PCDHGB4: variants seen among roughly 807,000 people sequenced by gnomAD.
The protein encoded by PCDHGB4 is protocadherin gamma-B4.
In PCDHGB4, 38 loss-of-function variants were observed where a neutral mutation model predicts 60.5. That is an observed-to-expected ratio of 0.63 (90% CI 0.48 to 0.82). The LOEUF (loss-of-function observed/expected upper bound fraction) is 0.82. PCDHGB4 is among the 40% of genes least tolerant of loss of function. PCDHGB4 has a pLI of 0.00. For missense variants in PCDHGB4, 1,109 were observed against 1,209.6 expected, an observed-to-expected ratio of 0.92 and a Z score of 1.23; for synonymous variants, 456 against 509.7, an observed-to-expected ratio of 0.89 and a Z score of 1.42.
Position 141,511,252 on chromosome 5 carries a change from G to C in PCDHGB4, c.*79G>C. 6.4e-7 allele frequency: 1 copy of C among 1,568,260 alleles called. No homozygotes were observed. The highest frequency in any genetic ancestry group is 8.6e-7 in the Non-Finnish European group (1 of 1,157,002). On this transcript the variant is annotated 3_prime_UTR_variant, in exon 4 of 4. Coordinates refer to ENST00000519479, the MANE Select transcript of PCDHGB4 (RefSeq NM_003736.4). ...TCTCCTTACCTGCACCCAGGCCTCA[G>C]AGTTTCAGGGCTAACCCCCAGAATA... is the stretch of plus-strand genomic sequence containing the variant.
At chr5:141,466,384 T>C (rs1209046694) in intron 1 of PCDHGB4, among the ~76,000 whole-genome samples, 9 of 152,168 alleles carry the variant, frequency 5.9e-5, no homozygotes, top group Non-Finnish European at 1.3e-4. Context: ...ACCCATCTAA[T>C]GGAAAGTTTG....
rs1039645331 is a variant in PCDHGB4, at chr5:141,420,373, T to C, written c.2397+30092T>C. ...TTTAAGATTCTAGATAACTTCTTCA[T>C]AGAGTTCGCAAAATATAGGTCAAAT... is the stretch of plus-strand genomic sequence containing the variant. On this transcript the variant is annotated intron_variant, in intron 1 of 3. Coordinates refer to ENST00000519479, the MANE Select transcript of PCDHGB4 (RefSeq NM_003736.4). 21 of 1,337,592 alleles carry C rather than the reference T, an allele frequency of 1.6e-5. No homozygotes were observed. In the African/African-American group the frequency reaches 2.4e-4, roughly 15 times the overall value. The allele number at this position is 1,337,592 out of a possible 1,614,324, so 82.9% of individuals were successfully genotyped here. A position where few individuals can be genotyped will look rare whatever the true frequency, so the allele number is the denominator to read the frequency against.
chr5:141,448,806 G>A (rs1412164815), intron 1 of PCDHGB4, among the ~76,000 whole-genome samples: 1 of 152,008 alleles, frequency 6.6e-6, no homozygotes, highest in Admixed American at 6.5e-5. Context: ...TTAGCCAGGC[G>A]TGATGGCGGG....
Position 141,510,968 on chromosome 5 carries a change from C to A in PCDHGB4, c.2567C>A (p.Thr856Asn). 1 of 1,614,150 alleles carries A rather than the reference C, an allele frequency of 6.2e-7. No individual in the cohort carries two copies. The highest frequency in any genetic ancestry group is 8.5e-7 in the Non-Finnish European group (1 of 1,180,014). The change falls in exon 4 of 4, where the codon ACC becomes AAC. Residue 856 changes from threonine (T) to asparagine (N), a missense_variant. Transcript: ENST00000519479. ...SASEAADGSS[T>N]LGGGAGTMGL... ...GCAGAAGCTGCTGATGGGAGCTCCA[C>A]CCTGGGAGGGGGTGCCGGCACCATG...
intron 1 of PCDHGB4, chr5:141,394,129 C>T: frequency 3.7e-6 from 6 of 1,613,968 alleles, no homozygotes; most frequent in Non-Finnish European, 5.1e-6. Context: ...ACTCAAATCG[C>T]TCTGCACGTG....
intron 1 of PCDHGB4, among the ~76,000 whole-genome samples, chr5:141,467,814 A>G (rs2099152300): frequency 6.6e-6 from 1 of 151,978 alleles, no homozygotes; most frequent in Non-Finnish European, 1.5e-5. Flanking sequence ...ACATGCCACC[A>G]CACCAGGCTG....
intron 1 of PCDHGB4, among the ~76,000 whole-genome samples, chr5:141,473,069 A>G (rs552033483): frequency 3.9e-4 from 59 of 152,180 alleles, no homozygotes; most frequent in South Asian, 8.3e-4. Flanking sequence ...AAGTTACAGC[A>G]TCTTTGTTTA....
chr5:141,455,107 C>T (rs1027661420), intron 1 of PCDHGB4, among the ~76,000 whole-genome samples: 20 of 151,774 alleles, frequency 1.3e-4, no homozygotes, highest in Non-Finnish European at 2.4e-4. Context: ...CCACTGCGCC[C>T]GGTGGGTCTA....
chr5:141,407,985 A>G, intron 1 of PCDHGB4: 1 of 789,616 alleles, frequency 1.3e-6, no homozygotes, highest in Non-Finnish European at 1.9e-6. Flanking sequence ...GGGATCCGTC[A>G]GCCTCTGGCC....
chr5:141,439,056 T>C (rs2098084461), intron 1 of PCDHGB4, among the ~76,000 whole-genome samples: 1 of 151,260 alleles, frequency 6.6e-6, no homozygotes, highest in Non-Finnish European at 1.5e-5. Flanking sequence ...TTCCATATTG[T>C]GTGGCAGGCG....
intron 1 of PCDHGB4, among the ~76,000 whole-genome samples, chr5:141,488,541 T>C (rs2099676694): frequency 6.6e-6 from 1 of 152,184 alleles, no homozygotes; most frequent in South Asian, 2.1e-4. Flanking sequence ...CTAAGTCCCA[T>C]GTCAGCTGAC....
chr5:141,507,616 G>A (rs1288020739), intron 3 of PCDHGB4, among the ~76,000 whole-genome samples: 3 of 152,252 alleles, frequency 2.0e-5, no homozygotes, highest in Non-Finnish European at 4.4e-5. Context: ...GGTATATTTA[G>A]CTGTTGTGGC....
In PCDHGB4 at chr5:141,491,667, G is replaced by C. The variant is rs746903142; in HGVS notation, c.2398-3140G>C. The C allele has an allele frequency of 3.7e-6, 6 of 1,613,678 alleles. No individual in the cohort carries two copies. The South Asian group carries it at 6.6e-5, about 18-fold the overall frequency. On this transcript the variant is annotated intron_variant, in intron 1 of 3. Transcript: ENST00000519479. This position sits in a 1 kb window ranked among gnomAD's most constrained non-coding sequence, Gnocchi z 6.9. Reference sequence around the variant, plus strand: ...TGGCGCTGGAGCCTGACGCCATCCGGTCCCGCTCTAATACGCTGCGGGAGC... The same window carrying C: ...TGGCGCTGGAGCCTGACGCCATCCGCTCCCGCTCTAATACGCTGCGGGAGC...
chr5:141,465,865 G>A (rs374058078), intron 1 of PCDHGB4, among the ~76,000 whole-genome samples: 7 of 151,900 alleles, frequency 4.6e-5, no homozygotes, highest in African/African-American at 1.7e-4. Flanking sequence ...GCTCATGCCT[G>A]TAATCCCAGC....
chr5:141,453,266 A>G (rs1322091044), intron 1 of PCDHGB4, among the ~76,000 whole-genome samples: 4 of 151,838 alleles, frequency 2.6e-5, no homozygotes. Flanking sequence ...AGTGCACACC[A>G]CCATGACTGG....
At position 141,495,662 on chromosome 5, in the gene PCDHGB4, C is replaced by T. The variant is rs545912968; in HGVS notation, c.2456+797C>T. The stretch of plus-strand genomic sequence containing the variant: ...TTTGTCTACTTGCATTGATCTGTGC[C>T]GCCCACTGTGCCTGCCATGGCATAA... On this transcript the variant is annotated intron_variant, in intron 2 of 3. Coordinates refer to ENST00000519479, the MANE Select transcript of PCDHGB4 (RefSeq NM_003736.4). Among the ~76,000 whole-genome samples, 8 of 152,256 alleles carry T rather than the reference C, an allele frequency of 5.3e-5. No individual in the cohort carries two copies. In the South Asian group the frequency reaches 6.2e-4, roughly 12 times the overall value.
chr5:141,433,939 A>T (rs1015984226), intron 1 of PCDHGB4, among the ~76,000 whole-genome samples: 2 of 151,714 alleles, frequency 1.3e-5, no homozygotes, highest in Non-Finnish European at 2.9e-5. Context: ...TTATAATTCC[A>T]TTGTTTCTTC....
intron 1 of PCDHGB4, chr5:141,394,908 G>A (rs763489153): frequency 3.1e-6 from 5 of 1,613,652 alleles, no homozygotes; most frequent in East Asian, 2.2e-5. Flanking sequence ...GGCAGTGGCT[G>A]CCATCTCCTG....
chr5:141,497,385 C>T (rs2154592097), intron 2 of PCDHGB4, among the ~76,000 whole-genome samples: 1 of 152,212 alleles, frequency 6.6e-6, no homozygotes, highest in African/African-American at 2.4e-5. Flanking sequence ...GGGGTGAGCA[C>T]CTTACCCCTG....
Sources: gnomAD v4.1 joint callset for allele counts (sites outside exome capture counted in the v4.1 genomes callset) on GRCh38, gnomAD v4.1.1 for gene constraint, Gnocchi (gnomAD v3.1) non-coding constraint, MANE v1.5 for transcripts, NCBI Gene and HGNC (gene_info 2026-07-23, HGNC 2026-07-21) for gene names.